Variants in GPR39 observed in about 807,000 individuals in gnomAD.
The protein encoded by GPR39 is zinc sensing receptor.
Under a neutral mutation model 18.4 loss-of-function variants are expected in GPR39, and 23 were observed. The observed-to-expected ratio is 1.25, with a 90% CI of 0.90 to 1.77. The LOEUF (loss-of-function observed/expected upper bound fraction) is 1.77, where lower values mean the gene tolerates loss of function less well. Ranked by LOEUF, GPR39 falls within the 40% of genes most tolerant of loss-of-function variation. The probability of loss-of-function intolerance (pLI) is 0.00; values close to 1 mark genes in which losing one functional copy is unlikely to be tolerated. For missense variants in GPR39, 647 were observed against 602.4 expected (o/e 1.07, Z -0.78); for synonymous variants, 280 against 257.9 (o/e 1.09, Z -0.82).
chr2:132,482,894 T>C (rs1317916899), intron 1 of GPR39, among the ~76,000 whole-genome samples: 1 of 152,206 alleles, frequency 6.6e-6, no homozygotes, highest in Non-Finnish European at 1.5e-5. Flanking sequence ...ACAGTGTAAG[T>C]ACTTAGTGAC....
chr2:132,565,435 A>T (rs1680332255), intron 1 of GPR39, among the ~76,000 whole-genome samples: 1 of 147,808 alleles, frequency 6.8e-6, no homozygotes, highest in African/African-American at 2.6e-5. Context: ...GTTTTAGGGT[A>T]CATGTGCACA....
chr2:132,557,597 G>C (rs1680176576), intron 1 of GPR39, among the ~76,000 whole-genome samples: 1 of 48,610 alleles, frequency 2.1e-5, no homozygotes, highest in Non-Finnish European at 4.1e-5. Context: ...AAGGATGAGA[G>C]AGAGAGAGAG....
At chr2:132,522,138 C>A (rs1022693689) in intron 1 of GPR39, among the ~76,000 whole-genome samples, 3 of 152,186 alleles carry the variant, frequency 2.0e-5, no homozygotes, top group Non-Finnish European at 4.4e-5. Flanking sequence ...CTGTCAAAGG[C>A]CATCCTTAGC....
At chr2:132,546,328 A>T (rs1349887834) in intron 1 of GPR39, among the ~76,000 whole-genome samples, 3 of 152,184 alleles carry the variant, frequency 2.0e-5, no homozygotes, top group Non-Finnish European at 4.4e-5. Context: ...TTATAACAAG[A>T]GGCCCCACAG....
chr2:132,525,928 G>A (rs143422122), intron 1 of GPR39, among the ~76,000 whole-genome samples: 7 of 152,302 alleles, frequency 4.6e-5, no homozygotes, highest in South Asian at 4.1e-4. Flanking sequence ...AAGTGGACAC[G>A]GAACATCTCA....
intron 1 of GPR39, among the ~76,000 whole-genome samples, chr2:132,441,474 C>T (rs965757212): frequency 2.0e-5 from 3 of 151,594 alleles, no homozygotes; most frequent in Admixed American, 2.0e-4. Flanking sequence ...GAAGATAAAA[C>T]TTTGAATCCC....
At chr2:132,424,076 A>C (rs2315384) in intron 1 of GPR39, among the ~76,000 whole-genome samples, 33,133 of 152,090 alleles carry the variant, frequency 0.22, 3,798 homozygotes, top group African/African-American at 0.27. Flanking sequence ...AAAACATTTA[A>C]GATTTGCTTG....
chr2:132,508,411 T>C (rs1300264209), intron 1 of GPR39, among the ~76,000 whole-genome samples: 1 of 152,084 alleles, frequency 6.6e-6, no homozygotes, highest in African/African-American at 2.4e-5. Flanking sequence ...TAGACTTCTG[T>C]TTCTGAGGTC....
At chr2:132,640,672 A>C (rs981455295) in intron 1 of GPR39, among the ~76,000 whole-genome samples, 5 of 152,220 alleles carry the variant, frequency 3.3e-5, no homozygotes, top group African/African-American at 7.2e-5. Context: ...TTGTGATTGC[A>C]GCCAAACATG....
intron 1 of GPR39, among the ~76,000 whole-genome samples, chr2:132,634,937 G>A (rs1681722614): frequency 1.3e-5 from 2 of 152,200 alleles, no homozygotes. Context: ...AGAACTCAGG[G>A]TTAATCAGTA....
At position 132,646,099 on chromosome 2, in the gene GPR39, C is replaced by T; in HGVS notation, c.*493C>T. Reference sequence around the variant, plus strand: ...TGAGGAACAGGATGGTGGTGCGGAGCCCTGGCCTGAGGGCCGAGGCAGAAC... The same window carrying T: ...TGAGGAACAGGATGGTGGTGCGGAGTCCTGGCCTGAGGGCCGAGGCAGAAC... On this transcript the variant is annotated 3_prime_UTR_variant, in exon 2 of 2. Coordinates refer to ENST00000329321, the MANE Select transcript of GPR39 (RefSeq NM_001508.3). The T allele has an allele frequency of 6.2e-7, 1 of 1,607,142 alleles. No individual in the cohort carries two copies. Among genetic ancestry groups the T allele is most frequent in the Non-Finnish European group, 8.5e-7 (1 of 1,176,262 alleles).
At chr2:132,493,505 CATAT>C (rs5834316) in intron 1 of GPR39, among the ~76,000 whole-genome samples, 48,579 of 130,246 alleles carry the variant, frequency 0.37, 10,102 homozygotes, top group East Asian at 0.76. Context: ...ATATATACAC[CATAT>C]ATATATATAT....
At chr2:132,630,253 T>C (rs10194857) in intron 1 of GPR39, among the ~76,000 whole-genome samples, 54,205 of 151,934 alleles carry the variant, frequency 0.36, 10,749 homozygotes, top group African/African-American at 0.55. Context: ...GCAATAAGGA[T>C]CTATAACAGG....
chr2:132,421,045 G>A (rs1020891796), intron 1 of GPR39, among the ~76,000 whole-genome samples: 2 of 152,218 alleles, frequency 1.3e-5, no homozygotes, highest in African/African-American at 4.8e-5. Flanking sequence ...ATATTTGTCC[G>A]ATGTCAGAAC....
intron 1 of GPR39, among the ~76,000 whole-genome samples, chr2:132,485,658 T>C (rs571175767): frequency 3.9e-5 from 6 of 152,354 alleles, no homozygotes; most frequent in East Asian, 1.9e-4. Context: ...AAGAAGTAAC[T>C]TCTCGTCCAT....
Position 132,562,076 on chromosome 2 carries a change from G to T in GPR39, c.857-83025G>T, listed in dbSNP as rs138302154. Among the ~76,000 whole-genome samples the T allele has an allele frequency of 2.9e-4, 44 of 152,128 alleles. No individual in the cohort carries two copies. The East Asian group carries it at 8.3e-3, about 29-fold the overall frequency. ...AACCCAGAATATTAACTATCACAGA[G>T]AACTTTTAGCAACCTGATGTCCAGG... On this transcript the variant is annotated intron_variant, in intron 1 of 1. Transcript: ENST00000329321.
intron 1 of GPR39, among the ~76,000 whole-genome samples, chr2:132,620,591 A>T (rs1316860025): frequency 6.6e-6 from 1 of 152,096 alleles, no homozygotes; most frequent in African/African-American, 2.4e-5. Context: ...AAGGCCTGGC[A>T]TGAGGAGTCC....
intron 1 of GPR39, among the ~76,000 whole-genome samples, chr2:132,509,028 T>C (rs1229552825): frequency 6.6e-6 from 1 of 152,192 alleles, no homozygotes; most frequent in Non-Finnish European, 1.5e-5. Context: ...GGCCAGGCTG[T>C]GCTGAAGGGA....
intron 1 of GPR39, among the ~76,000 whole-genome samples, chr2:132,641,820 G>A (rs1681861334): frequency 6.6e-6 from 1 of 152,132 alleles, no homozygotes; most frequent in Non-Finnish European, 1.5e-5. Flanking sequence ...TTTACATGGT[G>A]GAATTATGGT....
Sources: gnomAD v4.1 joint callset for allele counts (sites outside exome capture counted in the v4.1 genomes callset) on GRCh38, gnomAD v4.1.1 for gene constraint, MANE v1.5 for transcripts, NCBI Gene and HGNC (gene_info 2026-07-23, HGNC 2026-07-21) for gene names.